The following PCDHA8 variants were observed in gnomAD, a reference collection of about 807,000 sequenced individuals.
The protein encoded by PCDHA8 is protocadherin alpha-8.
A neutral mutation model predicts 61.8 loss-of-function variants in PCDHA8; 53 were observed. That is an observed-to-expected ratio of 0.86 (90% CI 0.69 to 1.08). The LOEUF is 1.08. PCDHA8 is among the 50% of genes least tolerant of loss of function. PCDHA8 has a pLI of 0.00. For missense variants in PCDHA8, 1,293 were observed against 1,245.0 expected, an observed-to-expected ratio of 1.04 and a Z score of -0.58; for synonymous variants, 618 against 556.6, an observed-to-expected ratio of 1.11 and a Z score of -1.55.
intron 1 of PCDHA8, chr5:140,855,953 T>TA (rs2043692800): frequency 2.2e-6 from 3 of 1,381,096 alleles, no homozygotes; most frequent in Admixed American, 4.7e-5. Flanking sequence ...GCCATTTCGA[T>TA]AAAAAATAGA....
At chr5:140,846,453 C>G (rs1465090766) in intron 1 of PCDHA8, among the ~76,000 whole-genome samples, 2 of 138,248 alleles carry the variant, frequency 1.4e-5, no homozygotes, top group Non-Finnish European at 3.1e-5. Flanking sequence ...CGGCTCACTG[C>G]AACCTCTGCC....
intron 1 of PCDHA8, chr5:140,857,944 G>T: frequency 6.3e-7 from 1 of 1,597,474 alleles, no homozygotes. Context: ...AGATCAGTAC[G>T]ACGCGCGCTC....
intron 1 of PCDHA8, among the ~76,000 whole-genome samples, chr5:140,847,133 A>G (rs984510498): frequency 6.7e-6 from 1 of 149,740 alleles, no homozygotes; most frequent in Non-Finnish European, 1.5e-5. Flanking sequence ...CAGGAAAACC[A>G]ATGTAAGAAG....
At chr5:140,938,214 G>C (rs2091981626) in intron 1 of PCDHA8, among the ~76,000 whole-genome samples, 1 of 152,148 alleles carries the variant, frequency 6.6e-6, no homozygotes, top group Non-Finnish European at 1.5e-5. Context: ...CCAAAGTGCT[G>C]GGATTACAGG....
rs35184029 is a variant in PCDHA8 at position 140,997,668 on chromosome 5, TTGTGTG to T, written c.2543-11935_2543-11930del. Among the ~76,000 whole-genome samples the T allele has an allele frequency of 3.7e-4, 55 of 148,336 alleles. 1 individual carries two copies. The South Asian group carries it at 5.8e-3, about 16-fold the overall frequency. On this transcript the variant is annotated intron_variant, in intron 3 of 3. Coordinates refer to ENST00000531613, the MANE Select transcript of PCDHA8 (RefSeq NM_018911.3). ...AATGCAATATGTATTATTATACAGC[TTGTGTG>T]TGTGTGTGTGTGTGTGTGTGTGTAT...
intron 1 of PCDHA8, among the ~76,000 whole-genome samples, chr5:140,905,776 G>A (rs190550917): frequency 2.4e-3 from 372 of 152,186 alleles, no homozygotes; most frequent in Non-Finnish European, 4.1e-3. Context: ...ATTCCGAAGT[G>A]TATTAGTCAG....
chr5:140,870,083 C>G, intron 1 of PCDHA8: 1 of 1,613,848 alleles, frequency 6.2e-7, no homozygotes, highest in Admixed American at 1.7e-5. Flanking sequence ...AAGGGGACTC[C>G]CCCAATGGCA....
rs1422788962 is a variant in PCDHA8, at chr5:140,847,584, A to G, written c.2394+3869A>G. ...GCCCCGAGTACTAAGGATGAGCAAT[A>G]ATGAAATTAAAACATATTGTAATAA... On this transcript the variant is annotated intron_variant, in intron 1 of 3. Coordinates refer to ENST00000531613, the MANE Select transcript of PCDHA8 (RefSeq NM_018911.3). The G allele has an allele frequency of 1.1e-4, 16 of 149,668 alleles. No homozygotes were observed. In the Admixed American group the frequency reaches 1.1e-3, roughly 10 times the overall value. 9.3% of individuals were successfully genotyped at this position (149,668 alleles called of 1,614,324 possible).
At chr5:140,969,948 G>A (rs1206322511) in intron 1 of PCDHA8, among the ~76,000 whole-genome samples, 3 of 152,198 alleles carry the variant, frequency 2.0e-5, no homozygotes, top group African/African-American at 7.2e-5. Context: ...TGAAGCTAAA[G>A]TTTGCTTTGG....
chr5:140,909,992 T>A (rs2074821631), intron 1 of PCDHA8, among the ~76,000 whole-genome samples: 1 of 152,192 alleles, frequency 6.6e-6, no homozygotes, highest in Non-Finnish European at 1.5e-5. Context: ...ACTAACAGCA[T>A]AAATTGTTGT....
At chr5:140,877,487 A>C (rs1293347310) in intron 1 of PCDHA8, 1 of 1,613,704 alleles carries the variant, frequency 6.2e-7, no homozygotes, top group African/African-American at 1.3e-5. Context: ...CTGGTGGAGA[A>C]CGGCCAGGCC....
At chr5:140,938,205 C>T (rs1435832298) in intron 1 of PCDHA8, among the ~76,000 whole-genome samples, 3 of 152,160 alleles carry the variant, frequency 2.0e-5, no homozygotes, top group Non-Finnish European at 4.4e-5. Context: ...GCCAGCCTCC[C>T]AAAGTGCTGG....
intron 1 of PCDHA8, chr5:140,870,883 C>G: frequency 6.2e-7 from 1 of 1,613,920 alleles, no homozygotes; most frequent in South Asian, 1.1e-5. Flanking sequence ...GGCGAAGGTG[C>G]GCGCAGTGGA....
At chr5:140,868,461 GC>G (rs1399202356) in intron 1 of PCDHA8, 1 of 152,356 alleles carries the variant, frequency 6.6e-6, no homozygotes, top group African/African-American at 2.4e-5. Flanking sequence ...CTAAAGAGCT[GC>G]TTTTATAAAA....
At chr5:140,980,284 T>C (rs1226756896) in intron 2 of PCDHA8, among the ~76,000 whole-genome samples, 6 of 152,182 alleles carry the variant, frequency 3.9e-5, no homozygotes, top group African/African-American at 1.4e-4. Flanking sequence ...TCTTGAAAAG[T>C]ACCAAAGCTA....
chr5:140,975,848 T>C (rs1345383470), intron 1 of PCDHA8, among the ~76,000 whole-genome samples: 1 of 152,234 alleles, frequency 6.6e-6, no homozygotes, highest in Non-Finnish European at 1.5e-5. Flanking sequence ...TCAGTAATAC[T>C]ACATCACCCA....
chr5:141,010,096 A>G lies in PCDHA8; in HGVS notation c.*159A>G. The G allele has an allele frequency of 6.2e-7, 1 of 1,612,840 alleles. No individual in the cohort carries two copies. Among genetic ancestry groups the G allele is most frequent in the Non-Finnish European group, 8.5e-7 (1 of 1,179,378 alleles). ...CCTGTGTCTGTCTAGAACGCATTTA[A>G]CAGGTTTTGTCGTAAAAGCTTTACT... On this transcript the variant is annotated 3_prime_UTR_variant, in exon 4 of 4. Transcript: ENST00000531613.
chr5:140,889,067 C>T (rs1169049844), intron 1 of PCDHA8, among the ~76,000 whole-genome samples: 1 of 151,942 alleles, frequency 6.6e-6, no homozygotes, highest in Admixed American at 6.6e-5. Flanking sequence ...TAATATACTA[C>T]TTATTTTGTT....
At chr5:140,967,022 A>G (rs2096084806) in intron 1 of PCDHA8, 1 of 1,608,014 alleles carries the variant, frequency 6.2e-7, no homozygotes, top group Middle Eastern at 1.7e-4. Context: ...GGGTGCGCCC[A>G]GTCCGCGCTA....
Sources: gnomAD v4.1 joint callset for allele counts (sites outside exome capture counted in the v4.1 genomes callset) on GRCh38, gnomAD v4.1.1 for gene constraint, MANE v1.5 for transcripts, NCBI Gene and HGNC (gene_info 2026-07-23, HGNC 2026-07-21) for gene names.